TDRP: variants seen among roughly 807,000 people sequenced by gnomAD.
TDRP encodes the protein testis development related protein.
Under a neutral mutation model 10.5 loss-of-function variants are expected in TDRP, and 12 were observed. The ratio of observed to expected loss-of-function variants is 1.15; its 90% CI spans 0.73 to 1.86. The LOEUF is 1.86. Ranked by LOEUF, TDRP falls within the 40% of genes most tolerant of loss-of-function variation. The pLI is 0.00. For missense variants in TDRP, 353 were observed against 229.2 expected (o/e 1.54, Z -3.49); for synonymous variants, 139 against 95.4 (o/e 1.46, Z -2.67).
intron 1 of TDRP, among the ~76,000 whole-genome samples, chr8:498,502 C>T (rs1419712515): frequency 6.6e-6 from 1 of 152,144 alleles, no homozygotes; most frequent in African/African-American, 2.4e-5. Context: ...AAGTAACTAA[C>T]TTGTTTTTGA....
intron 1 of TDRP, among the ~76,000 whole-genome samples, chr8:531,403 T>C (rs911024013): frequency 6.6e-6 from 1 of 152,156 alleles, no homozygotes; most frequent in African/African-American, 2.4e-5. Flanking sequence ...TGGGCACCCG[T>C]TGGTATCTGG....
chr8:493,361 T>C (rs1801034101), intron 2 of TDRP, among the ~76,000 whole-genome samples: 2 of 152,342 alleles, frequency 1.3e-5, no homozygotes, highest in African/African-American at 2.4e-5. Context: ...GCTGATGTAT[T>C]AGCAGGTCGC....
intron 1 of TDRP, among the ~76,000 whole-genome samples, chr8:526,633 A>G (rs1351054278): frequency 2.0e-5 from 3 of 151,850 alleles, no homozygotes; most frequent in Admixed American, 6.6e-5. Context: ...TTTTACATCT[A>G]TGTTCATCAT....
chr8:527,114 A>C (rs1192404809), intron 1 of TDRP, among the ~76,000 whole-genome samples: 1 of 152,072 alleles, frequency 6.6e-6, no homozygotes, highest in Non-Finnish European at 1.5e-5. Context: ...CAGACCAAAA[A>C]CACTTGCCAT....
intron 1 of TDRP, among the ~76,000 whole-genome samples, chr8:505,948 G>A (rs1443328319): frequency 6.6e-6 from 1 of 152,108 alleles, no homozygotes; most frequent in Non-Finnish European, 1.5e-5. Flanking sequence ...GCCAGGACAG[G>A]GTCCCTAAGC....
intron 1 of TDRP, among the ~76,000 whole-genome samples, chr8:497,416 G>T (rs531985593): frequency 6.6e-6 from 1 of 152,230 alleles, no homozygotes; most frequent in Non-Finnish European, 1.5e-5. Flanking sequence ...AGAGGGAGAT[G>T]ATTTAGGATA....
intron 1 of TDRP, among the ~76,000 whole-genome samples, chr8:519,569 C>A (rs1001757864): frequency 1.3e-5 from 2 of 151,938 alleles, no homozygotes; most frequent in Non-Finnish European, 2.9e-5. Flanking sequence ...GACTGAAAAA[C>A]CCCCCTCTCC....
intron 1 of TDRP, among the ~76,000 whole-genome samples, chr8:496,186 C>G (rs1227897997): frequency 2.6e-5 from 4 of 152,210 alleles, no homozygotes; most frequent in African/African-American, 4.8e-5. Context: ...CCACATCACA[C>G]ACTGCACAAA....
chr8:532,691 T>C (rs550604914), intron 1 of TDRP, among the ~76,000 whole-genome samples: 1 of 152,248 alleles, frequency 6.6e-6, no homozygotes, highest in South Asian at 2.1e-4. Context: ...TTCCTATTTT[T>C]ACCCTAAATC....
In TDRP at chr8:490,497, A is replaced by G. The variant is rs1800938711; in HGVS notation, c.*1902T>C. 2 of 152,110 alleles carry G rather than the reference A, an allele frequency of 1.3e-5. No homozygotes were observed. Among genetic ancestry groups the G allele is most frequent in the South Asian group, 4.1e-4 (2 of 4,828 alleles). The allele number at this position is 152,110 out of a possible 1,614,324, so 9.4% of individuals were successfully genotyped here. On this transcript the variant is annotated 3_prime_UTR_variant, in exon 3 of 3. Transcript: ENST00000324079. ...TCCCCACAACATGGGAAGCGTCCCC[A>G]TCTCCCCACACACGTGATTTCCAGA...
chr8:507,356 G>T (rs1801494515), intron 1 of TDRP, among the ~76,000 whole-genome samples: 1 of 152,146 alleles, frequency 6.6e-6, no homozygotes, highest in South Asian at 2.1e-4. Flanking sequence ...AAGAACTAGG[G>T]AATAAGACAG....
chr8:498,885 TTCTCTCTC>T (rs34931074), intron 1 of TDRP, among the ~76,000 whole-genome samples: 1 of 150,770 alleles, frequency 6.6e-6, no homozygotes, highest in African/African-American at 2.4e-5. Flanking sequence ...CACCTCCCTG[TTCTCTCTC>T]TCTCTCTCTC....
chr8:516,883 GA>G (rs1801770691), intron 1 of TDRP, among the ~76,000 whole-genome samples: 2 of 152,212 alleles, frequency 1.3e-5, no homozygotes, highest in South Asian at 4.1e-4. Context: ...CAGGTGAATG[GA>G]TAAGCTGGTA....
Position 520,365 on chromosome 8 carries a change from G to A in TDRP, c.108+24285C>T, listed in dbSNP as rs569936878. ...TATCTATTAATCCATCCACAGACAT[G>A]GAGGCTGCTTCTCCTCTTATTATAA... On this transcript the variant is annotated intron_variant, in intron 1 of 2. Coordinates refer to ENST00000324079, the MANE Select transcript of TDRP (RefSeq NM_001384899.1). Among the ~76,000 whole-genome samples, 8 of 152,264 alleles carry A rather than the reference G, an allele frequency of 5.3e-5. No individual in the cohort carries two copies. The South Asian group carries it at 1.2e-3, about 24-fold the overall frequency.
intron 1 of TDRP, among the ~76,000 whole-genome samples, chr8:516,793 CA>C (rs1351491796): frequency 6.6e-6 from 1 of 152,054 alleles, no homozygotes; most frequent in African/African-American, 2.4e-5. Context: ...CTTATGTCCA[CA>C]AAAAAACTTA....
intron 1 of TDRP, among the ~76,000 whole-genome samples, chr8:504,913 T>C (rs1033226318): frequency 3.9e-5 from 6 of 152,214 alleles, no homozygotes; most frequent in African/African-American, 1.4e-4. Context: ...AACTTCTACC[T>C]ATGTCCTTTT....
intron 1 of TDRP, among the ~76,000 whole-genome samples, chr8:501,212 A>G (rs1429962795): frequency 6.6e-6 from 1 of 151,650 alleles, no homozygotes; most frequent in African/African-American, 2.4e-5. Context: ...TCTCAAAAAA[A>G]CAAACAAACA....
chr8:536,184 A>G (rs1319906831), intron 1 of TDRP, among the ~76,000 whole-genome samples: 5 of 152,200 alleles, frequency 3.3e-5, no homozygotes. Context: ...TCTACCCTTC[A>G]GTGGCTTACT....
intron 1 of TDRP, among the ~76,000 whole-genome samples, chr8:505,781 C>T (rs565501959): frequency 4.6e-5 from 7 of 152,256 alleles, no homozygotes; most frequent in South Asian, 4.1e-4. Context: ...AAACACCCTC[C>T]GATGAACATG....
Sources: allele counts gnomAD v4.1 joint callset (sites outside exome capture counted in the v4.1 genomes callset), GRCh38; gene constraint gnomAD v4.1.1; transcripts MANE v1.5; gene names NCBI Gene and HGNC (gene_info 2026-07-23, HGNC 2026-07-21).